Variants in APBA2 observed in about 807,000 individuals in gnomAD.
APBA2 encodes the protein amyloid-beta A4 precursor protein-binding family A member 2.
APBA2 carries 30 observed loss-of-function variants against 75.0 expected under a neutral mutation model. The observed-to-expected ratio is 0.40, with a 90% CI of 0.30 to 0.54. APBA2 has a LOEUF of 0.54. APBA2 is among the 20% of genes least tolerant of loss of function. The pLI is 0.49. For synonymous variants in APBA2, 444 were observed against 409.6 expected (o/e 1.08, Z -1.01); for missense variants, 801 against 1,016.1 (o/e 0.79, Z 2.88).
intron 1 of APBA2, among the ~76,000 whole-genome samples, chr15:28,902,053 T>C (rs369753979): frequency 6.7e-6 from 1 of 150,136 alleles, no homozygotes; most frequent in Non-Finnish European, 1.5e-5. Context: ...GCATCACAGA[T>C]GGGGGCTCAT....
At chr15:29,013,517 G>A (rs569803865) in intron 3 of APBA2, among the ~76,000 whole-genome samples, 2 of 152,228 alleles carry the variant, frequency 1.3e-5, no homozygotes, top group Middle Eastern at 6.8e-3. Context: ...TCCTGACCTC[G>A]TGATCCACCC....
At chr15:28,951,881 CTTT>C (rs71414600) in intron 2 of APBA2, among the ~76,000 whole-genome samples, 3 of 109,816 alleles carry the variant, frequency 2.7e-5, no homozygotes, top group East Asian at 2.8e-4. Flanking sequence ...TGCACTCAGC[CTTT>C]TTTTTTTTTT....
At chr15:29,058,126 C>T (rs1274095678) in intron 4 of APBA2, among the ~76,000 whole-genome samples, 4 of 152,152 alleles carry the variant, frequency 2.6e-5, no homozygotes, top group South Asian at 2.1e-4. Flanking sequence ...CACCTCCTTT[C>T]GGTACAGAGG....
intron 2 of APBA2, among the ~76,000 whole-genome samples, chr15:28,987,073 A>G (rs1243720701): frequency 1.3e-5 from 2 of 148,476 alleles, no homozygotes; most frequent in Admixed American, 1.3e-4. Flanking sequence ...CCCACTGTCT[A>G]ATAGCATCAC....
chr15:28,962,397 C>G (rs2036523458), intron 2 of APBA2, among the ~76,000 whole-genome samples: 1 of 151,892 alleles, frequency 6.6e-6, no homozygotes, highest in African/African-American at 2.4e-5. Context: ...TGGTGAAACC[C>G]CATCTCTACT....
At chr15:28,987,912 C>T (rs1350526148) in intron 2 of APBA2, among the ~76,000 whole-genome samples, 4 of 151,528 alleles carry the variant, frequency 2.6e-5, no homozygotes, top group Admixed American at 2.0e-4. Context: ...CACACACCAC[C>T]ACACCTGGCT....
In APBA2 at chr15:29,046,972, T is replaced by C. The variant is rs1209544828; in HGVS notation, c.-40-6873T>C. On this transcript the variant is annotated intron_variant, in intron 3 of 14. Transcript: ENST00000683413. This position sits in a 1 kb window ranked among gnomAD's most constrained non-coding sequence, Gnocchi z 5.0. ...TTGACATTTTCCTTAACTCCCTTTA[T>C]GTAGTGTTTATGGAGTTCAGGCCTG... Among the ~76,000 whole-genome samples, 2 of 152,212 alleles carry C rather than the reference T, an allele frequency of 1.3e-5. No homozygotes were observed. The highest frequency in any genetic ancestry group is 2.4e-5 in the African/African-American group (1 of 41,454).
rs1434427319 is a variant in APBA2 at position 29,117,406 on chromosome 15, C to T, written c.*273C>T. 1 of 531,374 alleles carries T rather than the reference C, an allele frequency of 1.9e-6. No individual in the cohort carries two copies. 32.9% of individuals were successfully genotyped at this position (531,374 alleles called of 1,614,324 possible). A position where few individuals can be genotyped will look rare whatever the true frequency, so the allele number is the denominator to read the frequency against. Reference sequence around the variant, plus strand: ...TGGACTGTCTTCTCCCTGCACAAGCCAGGGTGTGTCTCGGTAGCTGTGCGT... The same window carrying T: ...TGGACTGTCTTCTCCCTGCACAAGCTAGGGTGTGTCTCGGTAGCTGTGCGT... On this transcript the variant is annotated 3_prime_UTR_variant, in exon 15 of 15. Transcript: ENST00000683413.
At chr15:28,937,150 C>T (rs1566816717) in intron 2 of APBA2, among the ~76,000 whole-genome samples, 1 of 152,150 alleles carries the variant, frequency 6.6e-6, no homozygotes, top group South Asian at 2.1e-4. Context: ...TCTGAGCCAT[C>T]ATCCACCCCT....
At position 29,043,112 on chromosome 15, in the gene APBA2, GCA is replaced by G. The variant is rs369985278; in HGVS notation, c.-40-10728_-40-10727del. Among the ~76,000 whole-genome samples the G allele has an allele frequency of 7.1e-3, 1,075 of 152,290 alleles. 9 individuals are homozygous for G. The highest frequency in any genetic ancestry group is 0.046 in the South Asian group (223 of 4,822). ...AGCAAATACCGGCCAGGCCAGAAGT[GCA>G]CACAGTTACTCTGTTCCTGTTACGG... On this transcript the variant is annotated intron_variant, in intron 3 of 14. Coordinates refer to ENST00000683413, the MANE Select transcript of APBA2 (RefSeq NM_001353788.2).
At position 29,104,733 on chromosome 15, in the gene APBA2, C is replaced by T. The variant is rs76179869; in HGVS notation, c.1525-646C>T. ...CATGCGGGGTAGACAACTAGCAGCA[C>T]GATGCTCCCGGAAAACACACTGAAA... On this transcript the variant is annotated intron_variant, in intron 10 of 14. Transcript: ENST00000683413. 3.4e-3 allele frequency among the ~76,000 whole-genome samples: 517 copies of T among 152,258 alleles called. 2 individuals carry two copies. Among genetic ancestry groups the T allele is most frequent in the African/African-American group, 0.012 (500 of 41,546 alleles).
intron 2 of APBA2, among the ~76,000 whole-genome samples, chr15:28,964,812 A>G (rs1566850122): frequency 6.7e-6 from 1 of 149,560 alleles, no homozygotes; most frequent in African/African-American, 2.5e-5. Flanking sequence ...TTCTAATTAG[A>G]TTTTTTTTTT....
rs184051258 is a variant in APBA2, at chr15:29,030,398, C to G, written c.-40-23447C>G. ...AATGGCGTGAACCCGGGAGGCGGAGCTTGCAGTGAGCCGAGATGGCCCCAC... is the reference window on the plus strand; with the variant it reads ...AATGGCGTGAACCCGGGAGGCGGAGGTTGCAGTGAGCCGAGATGGCCCCAC... On this transcript the variant is annotated intron_variant, in intron 3 of 14. Transcript: ENST00000683413. 2.6e-3 allele frequency among the ~76,000 whole-genome samples: 401 copies of G among 152,034 alleles called. 3 individuals carry two copies. The highest frequency in any genetic ancestry group is 9.4e-3 in the African/African-American group (388 of 41,474).
At chr15:29,092,610 G>A (rs1010221377) in intron 6 of APBA2, among the ~76,000 whole-genome samples, 1 of 152,108 alleles carries the variant, frequency 6.6e-6, no homozygotes, top group African/African-American at 2.4e-5. Context: ...GGAGCTACAC[G>A]GGTGTCCTGA....
chr15:28,940,356 CAAAAAAAAAAAA>C (rs398043111), intron 2 of APBA2, among the ~76,000 whole-genome samples: 1,440 of 38,516 alleles, frequency 0.037, 28 homozygotes, highest in African/African-American at 0.091. Flanking sequence ...ACTAAAAATA[CAAAAAAAAAAAA>C]AAAAAAAAAA....
intron 1 of APBA2, among the ~76,000 whole-genome samples, chr15:28,913,230 TTGTG>T (rs1478079298): frequency 6.6e-6 from 1 of 152,202 alleles, no homozygotes; most frequent in African/African-American, 2.4e-5. Context: ...TCCTTGCTGA[TTGTG>T]TGTGACACCA....
At chr15:28,897,617 C>CAAAAAAAAAAA (rs370287342) in intron 1 of APBA2, among the ~76,000 whole-genome samples, 2 of 78,728 alleles carry the variant, frequency 2.5e-5, no homozygotes, top group Non-Finnish European at 4.6e-5. Context: ...GATTCCGTCT[C>CAAAAAAAAAAA]AAAAAAAAAA....
intron 2 of APBA2, among the ~76,000 whole-genome samples, chr15:28,967,474 T>C (rs941612686): frequency 6.6e-6 from 1 of 152,198 alleles, no homozygotes; most frequent in Non-Finnish European, 1.5e-5. Flanking sequence ...AGTCTCGCTC[T>C]GTCACCTAGG....
intron 4 of APBA2, among the ~76,000 whole-genome samples, chr15:29,061,263 T>C (rs1165073491): frequency 2.0e-5 from 3 of 152,202 alleles, no homozygotes; most frequent in African/African-American, 7.2e-5. Flanking sequence ...GGAGATACAC[T>C]GAAAAGGTCA....
Sources: allele counts gnomAD v4.1 joint callset (sites outside exome capture counted in the v4.1 genomes callset), GRCh38; gene constraint gnomAD v4.1.1; non-coding constraint Gnocchi (gnomAD v3.1); transcripts MANE v1.5; gene names NCBI Gene and HGNC (gene_info 2026-07-23, HGNC 2026-07-21).